The following PLCG2 variants were observed in gnomAD, a reference collection of about 807,000 sequenced individuals.
PLCG2 encodes phospholipase C gamma 2.
A neutral mutation model predicts 175.6 loss-of-function variants in PLCG2; 69 were observed. That is an observed-to-expected ratio of 0.39 (90% confidence interval 0.32 to 0.48). The LOEUF (loss-of-function observed/expected upper bound fraction) is 0.48. Ranked by LOEUF, PLCG2 falls within the 20% of genes least tolerant of loss-of-function variation. The pLI is 0.91. For synonymous variants in PLCG2, 827 were observed against 624.0 expected, an observed-to-expected ratio of 1.33 and a Z score of -4.85; for missense variants, 1,798 against 1,650.9, an observed-to-expected ratio of 1.09 and a Z score of -1.54.
At position 81,958,489 on chromosome 16, in the gene PLCG2, C is replaced by A. The variant is rs1389605946; in HGVS notation, c.*491C>A. 8 of 236,206 alleles carry A rather than the reference C, an allele frequency of 3.4e-5. No individual in the cohort carries two copies. Among genetic ancestry groups the A allele is most frequent in the Non-Finnish European group, 6.7e-5 (8 of 120,088 alleles). 14.6% of individuals were successfully genotyped at this position (236,206 alleles called of 1,614,324 possible). ...TTCCATAAGGGCCCAAAGAGAAGCC[C>A]TACCCACAGGCAGCCTGCTCAGTTC... On this transcript the variant is annotated 3_prime_UTR_variant, in exon 33 of 33. Transcript: ENST00000564138.
Position 81,749,990 on chromosome 16 carries a change from AG to A in PLCG2, c.-144-5879del, listed in dbSNP as rs146039454. Among the ~76,000 whole-genome samples, 1,253 of 152,262 alleles carry A rather than the reference AG, an allele frequency of 8.2e-3. 16 individuals carry two copies. The highest frequency in any genetic ancestry group is 0.028 in the African/African-American group (1,167 of 41,536). ...TGGCTGGATTTGCTGACCTAGAAAG[AG>A]ATCTGCAATATACCGTTAAGTAAAA... On this transcript the variant is annotated intron_variant, in intron 1 of 5. Coordinates refer to the PLCG2 transcript ENST00000565054.
chr16:81,817,570 T>G (rs1407656239), intron 2 of PLCG2, among the ~76,000 whole-genome samples: 3 of 152,216 alleles, frequency 2.0e-5, no homozygotes, highest in African/African-American at 2.4e-5. Flanking sequence ...GCCCTCAAAC[T>G]GCACCTGGCC....
chr16:81,935,769 T>C, intron 26 of PLCG2: 2 of 985,362 alleles, frequency 2.0e-6, no homozygotes, highest in Non-Finnish European at 2.4e-6. Context: ...TGGCAGGTGA[T>C]TCTCAGTTTG....
chr16:81,931,134 C>G (rs922444656), intron 24 of PLCG2: 1 of 159,790 alleles, frequency 6.3e-6, no homozygotes, highest in Admixed American at 6.4e-5. Context: ...TTAAGTGTCC[C>G]TCTCCTTTCT....
intron 24 of PLCG2, 68 bp downstream of exon 24, chr16:81,928,692 C>T: frequency 4.8e-6 from 5 of 1,035,720 alleles, no homozygotes; most frequent in Middle Eastern, 4.0e-4. Flanking sequence ...TCAGCCCCGC[C>T]CTACACAGGG....
At chr16:81,791,284 G>T (rs1193871881) in intron 2 of PLCG2, among the ~76,000 whole-genome samples, 1 of 152,110 alleles carries the variant, frequency 6.6e-6, no homozygotes, top group Non-Finnish European at 1.5e-5. Context: ...AATGGGGAGG[G>T]CTCATTGTGG....
At chr16:81,767,133 G>GT in intron 2 of PLCG2, among the ~76,000 whole-genome samples, 1 of 131,942 alleles carries the variant, frequency 7.6e-6, no homozygotes, top group Admixed American at 8.5e-5. Context: ...TGATAAACTC[G>GT]TGGTTTTTTT....
chr16:81,946,121 T>C, intron 30 of PLCG2, 54 bp from the exon 31 acceptor site: 2 of 1,410,990 alleles, frequency 1.4e-6, no homozygotes, highest in East Asian at 4.6e-5. Context: ...AAAAAAAATC[T>C]AAGGTCTGAC....
chr16:81,950,519 A>G (rs1453646619), intron 31 of PLCG2, among the ~76,000 whole-genome samples: 1 of 152,238 alleles, frequency 6.6e-6, no homozygotes, highest in African/African-American at 2.4e-5. Context: ...TAATATCAAA[A>G]TAATTTGCCT....
chr16:81,946,523 C>G (rs16956064), intron 31 of PLCG2, among the ~76,000 whole-genome samples: 1 of 151,958 alleles, frequency 6.6e-6, no homozygotes, highest in East Asian at 1.9e-4. Flanking sequence ...CTTGTAAGTT[C>G]CCCATAGTTT....
intron 2 of PLCG2, among the ~76,000 whole-genome samples, chr16:81,801,226 A>G (rs1054873877): frequency 6.6e-6 from 1 of 152,196 alleles, no homozygotes; most frequent in African/African-American, 2.4e-5. Flanking sequence ...TTTGCTTTGG[A>G]TCTTTTTTGT....
rs1911734131 is a variant in PLCG2, at chr16:81,960,263, C to T, written c.*2265C>T. 1 of 220,836 alleles carries T rather than the reference C, an allele frequency of 4.5e-6. No individual in the cohort carries two copies. Among genetic ancestry groups the T allele is most frequent in the South Asian group, 1.9e-4 (1 of 5,404 alleles). 13.7% of individuals were successfully genotyped at this position (220,836 alleles called of 1,614,324 possible). On this transcript the variant is annotated 3_prime_UTR_variant, in exon 33 of 33. Transcript: ENST00000564138. Reference sequence around the variant, plus strand: ...GCACACATGGTATGATGGCTCTTCCCAGAGTCTATGTGATGCTACATAACT... The same window carrying T: ...GCACACATGGTATGATGGCTCTTCCTAGAGTCTATGTGATGCTACATAACT...
rs767690499 is a variant in PLCG2, at chr16:81,883,304, T to C, written c.728T>C (p.Leu243Pro). The C allele has an allele frequency of 6.2e-7, 1 of 1,614,178 alleles. No homozygotes were observed. The highest frequency in any genetic ancestry group is 1.1e-5 in the South Asian group (1 of 91,086). ...TDRPDASAVY[L>P]HDFQRFLIHE... Reference sequence around the variant, plus strand: ...AGGCCGGATGCCTCTGCTGTTTACCTGCATGACTTCCAGAGGTTTCTCATA... The same window carrying C: ...AGGCCGGATGCCTCTGCTGTTTACCCGCATGACTTCCAGAGGTTTCTCATA... The change falls in exon 9 of 33, where the codon CTG becomes CCG. Residue 243 changes from leucine to proline, a missense_variant. By Grantham distance (98) the Leu-to-Pro change is moderately conservative (BLOSUM62 -3). Transcript: ENST00000564138.
chr16:81,908,423 C>G lies in PLCG2; in HGVS notation c.1565C>G (p.Pro522Arg), dbSNP rs72824905. 6.7e-3 allele frequency: 10,870 copies of G among 1,613,548 alleles called. 46 individuals carry two copies. The highest frequency in any genetic ancestry group is 8.3e-3 in the Non-Finnish European group (9,777 of 1,179,678). Residue 522 changes from proline (P) to arginine (R), a missense_variant, in exon 17 of 33, where the codon CCC becomes CGC. By Grantham distance (103) the Pro-to-Arg change is moderately radical. Coordinates refer to ENST00000564138, the MANE Select transcript of PLCG2 (RefSeq NM_002661.5). ...CCTCTCTTTGCGGCCCAGGATATAC[C>G]CCCTACAGAACTACATTTTGGGGAG... Reference protein sequence around the residue: ...TMEEEVPQDIPPTELHFGEKW... With the variant: ...TMEEEVPQDIRPTELHFGEKW...
chr16:81,784,146 T>C (rs1466838350), intron 1 of PLCG2, among the ~76,000 whole-genome samples: 1 of 152,196 alleles, frequency 6.6e-6, no homozygotes, highest in East Asian at 1.9e-4. Flanking sequence ...CTGGCATGGC[T>C]GACCGAGGAG....
chr16:81,862,150 C>T (rs558858770), intron 5 of PLCG2, among the ~76,000 whole-genome samples: 42 of 152,324 alleles, frequency 2.8e-4, no homozygotes, highest in African/African-American at 9.1e-4. Flanking sequence ...CTGTCACCCA[C>T]GAGACGAATC....
intron 24 of PLCG2, among the ~76,000 whole-genome samples, chr16:81,929,551 G>T (rs774379961): frequency 6.6e-6 from 1 of 152,058 alleles, no homozygotes; most frequent in Admixed American, 6.5e-5. Context: ...ATGGGCCACC[G>T]TGCCTGGCTA....
chr16:81,826,809 A>AT (rs1212570784), intron 2 of PLCG2, among the ~76,000 whole-genome samples: 2 of 152,170 alleles, frequency 1.3e-5, no homozygotes, highest in Non-Finnish European at 2.9e-5. Context: ...CTTTACCGTG[A>AT]TTTTCTAGTA....
chr16:81,822,798 C>G (rs915821134), intron 2 of PLCG2, among the ~76,000 whole-genome samples: 16 of 138,344 alleles, frequency 1.2e-4, no homozygotes, highest in African/African-American at 4.3e-4. Flanking sequence ...GGCAGGAGAT[C>G]AGAGTGAGTA....
Sources: gnomAD v4.1 joint callset for allele counts (sites outside exome capture counted in the v4.1 genomes callset) on GRCh38, gnomAD v4.1.1 for gene constraint, MANE v1.5 for transcripts, NCBI Gene and HGNC (gene_info 2026-07-23, HGNC 2026-07-21) for gene names.